Variants in TRAPPC9 observed in about 807,000 individuals in gnomAD.
TRAPPC9 encodes the protein trafficking protein particle complex subunit 9.
Under a neutral mutation model 124.0 loss-of-function variants are expected in TRAPPC9, and 83 were observed. The ratio of observed to expected loss-of-function variants is 0.67; its 90% confidence interval spans 0.56 to 0.80. TRAPPC9 has a LOEUF of 0.80. TRAPPC9 is among the 30% of genes least tolerant of loss of function. The pLI is 0.00. For missense variants in TRAPPC9, 1,302 were observed against 1,508.3 expected (o/e 0.86, Z 2.27); for synonymous variants, 638 against 617.5 (o/e 1.03, Z -0.49).
In TRAPPC9 at chr8:140,450,449, C is replaced by T. The variant is rs188075329; in HGVS notation, c.584+341G>A. Among the ~76,000 whole-genome samples, 11 of 152,262 alleles carry T rather than the reference C, an allele frequency of 7.2e-5. No homozygotes were observed. In the East Asian group the frequency reaches 1.5e-3, roughly 21 times the overall value. On this transcript the variant is annotated intron_variant, in intron 2 of 22. Transcript: ENST00000438773. ...TATTCACAGCCCATCTCAACTAAAACTAGCCTCGTGTCTAGTGCCCAAAAG... is the reference window on the plus strand; with the variant it reads ...TATTCACAGCCCATCTCAACTAAAATTAGCCTCGTGTCTAGTGCCCAAAAG...
chr8:140,359,205 T>C (rs2067853705), intron 9 of TRAPPC9, among the ~76,000 whole-genome samples: 1 of 152,036 alleles, frequency 6.6e-6, no homozygotes, highest in Admixed American at 6.6e-5. Context: ...CCTCCATCTC[T>C]TCCCTTCTAC....
At chr8:140,316,163 C>T (rs2066438648) in intron 9 of TRAPPC9, among the ~76,000 whole-genome samples, 2 of 152,060 alleles carry the variant, frequency 1.3e-5, no homozygotes, top group Non-Finnish European at 2.9e-5. Flanking sequence ...GAAAAACTTT[C>T]AGGACTCATG....
intron 18 of TRAPPC9, among the ~76,000 whole-genome samples, chr8:140,001,649 A>C (rs975040051): frequency 6.6e-6 from 1 of 152,196 alleles, no homozygotes; most frequent in Admixed American, 6.5e-5. Flanking sequence ...CAGACATTAG[A>C]AGGACAATAA....
intron 4 of TRAPPC9, among the ~76,000 whole-genome samples, chr8:140,433,384 T>A (rs990775169): frequency 1.3e-5 from 2 of 151,398 alleles, no homozygotes; most frequent in Non-Finnish European, 2.9e-5. Flanking sequence ...TGGTCTGGAG[T>A]TCAAGACCAG....
At chr8:139,777,523 G>A (rs187825036) in intron 21 of TRAPPC9, among the ~76,000 whole-genome samples, 297 of 152,326 alleles carry the variant, frequency 1.9e-3, no homozygotes, top group Non-Finnish European at 2.8e-3. Flanking sequence ...ATGAGCAAAT[G>A]AATGAAGGAA....
intron 21 of TRAPPC9, among the ~76,000 whole-genome samples, chr8:139,821,179 T>C (rs1825227211): frequency 6.6e-6 from 1 of 152,228 alleles, no homozygotes; most frequent in East Asian, 1.9e-4. Flanking sequence ...GAACAGGGCA[T>C]CTAAGGAGAG....
intron 17 of TRAPPC9, among the ~76,000 whole-genome samples, chr8:140,204,852 T>C (rs970270493): frequency 3.3e-5 from 5 of 152,206 alleles, no homozygotes; most frequent in African/African-American, 9.6e-5. Flanking sequence ...AACAGACTAA[T>C]AGAAATGATG....
chr8:140,438,979 C>T (rs577959543), intron 3 of TRAPPC9, 73 bp downstream of exon 3: 45 of 1,594,596 alleles, frequency 2.8e-5, no homozygotes, highest in Admixed American at 5.0e-5. Flanking sequence ...CGTGAGCCAC[C>T]GCACCCAGCC....
At chr8:139,833,111 G>A (rs1826097492) in intron 21 of TRAPPC9, among the ~76,000 whole-genome samples, 1 of 152,164 alleles carries the variant, frequency 6.6e-6, no homozygotes, top group African/African-American at 2.4e-5. Context: ...GGAAGCTGGG[G>A]CCTCGGTCCT....
At chr8:140,148,710 G>A (rs2061497435) in intron 17 of TRAPPC9, among the ~76,000 whole-genome samples, 1 of 152,132 alleles carries the variant, frequency 6.6e-6, no homozygotes. Flanking sequence ...CCAGATGAGA[G>A]AAAATGCCAA....
chr8:139,769,636 G>A lies in TRAPPC9; in HGVS notation c.3056-37434C>T, dbSNP rs571756050. Among the ~76,000 whole-genome samples, 22 of 152,280 alleles carry A rather than the reference G, an allele frequency of 1.4e-4. 1 individual carries two copies. Among genetic ancestry groups the A allele is most frequent in the Admixed American group, 9.2e-4 (14 of 15,300 alleles). On this transcript the variant is annotated intron_variant, in intron 21 of 22. Transcript: ENST00000438773. ...CAGATACTTTTAGAAAGAAGCAAAT[G>A]CAAACACAGAATACAAACAAAAATA...
chr8:140,039,099 T>C (rs928604226), intron 17 of TRAPPC9, among the ~76,000 whole-genome samples: 3 of 152,238 alleles, frequency 2.0e-5, no homozygotes, highest in Non-Finnish European at 4.4e-5. Context: ...TTTGATATCA[T>C]TAGCCCTACG....
At chr8:140,119,640 A>G (rs1259069726) in intron 17 of TRAPPC9, among the ~76,000 whole-genome samples, 1 of 152,264 alleles carries the variant, frequency 6.6e-6, no homozygotes, top group Admixed American at 6.5e-5. Flanking sequence ...AGTACATAGT[A>G]ACATTCCCAT....
At chr8:139,932,255 G>T (rs375987041) in intron 19 of TRAPPC9, 46 of 450,758 alleles carry the variant, frequency 1.0e-4, no homozygotes, top group African/African-American at 6.4e-4. Context: ...AGGGAGTCCC[G>T]CACCACGGGG....
chr8:139,960,130 T>C (rs141766119), intron 19 of TRAPPC9, among the ~76,000 whole-genome samples: 1 of 152,308 alleles, frequency 6.6e-6, no homozygotes, highest in Non-Finnish European at 1.5e-5. Context: ...GGATGGCAAA[T>C]AAATGCCAGG....
chr8:139,892,177 T>C (rs1830395404), intron 20 of TRAPPC9, among the ~76,000 whole-genome samples: 1 of 152,242 alleles, frequency 6.6e-6, no homozygotes, highest in Admixed American at 6.5e-5. Context: ...CCCCGCTCCT[T>C]CCTGGCCAGG....
intron 21 of TRAPPC9, among the ~76,000 whole-genome samples, chr8:139,873,253 C>T (rs894434260): frequency 6.6e-6 from 1 of 152,162 alleles, no homozygotes; most frequent in Non-Finnish European, 1.5e-5. Flanking sequence ...AGTCCATCAG[C>T]ATCTCCCAGC....
At chr8:139,920,586 A>G (rs1440351876) in intron 19 of TRAPPC9, among the ~76,000 whole-genome samples, 2 of 152,228 alleles carry the variant, frequency 1.3e-5, no homozygotes, top group Non-Finnish European at 2.9e-5. Context: ...TGGGGCTCCA[A>G]CAGGGCTCAC....
chr8:139,894,674 G>A (rs529422112), intron 20 of TRAPPC9, among the ~76,000 whole-genome samples: 13 of 152,294 alleles, frequency 8.5e-5, no homozygotes, highest in African/African-American at 2.9e-4. Context: ...AGACCCCTGT[G>A]AGCCATGCTG....
Sources: gnomAD v4.1 joint callset for allele counts (sites outside exome capture counted in the v4.1 genomes callset) on GRCh38, gnomAD v4.1.1 for gene constraint, MANE v1.5 for transcripts, NCBI Gene and HGNC (gene_info 2026-07-23, HGNC 2026-07-21) for gene names.